RASGEF1C: variants seen among roughly 807,000 people sequenced by gnomAD.
RASGEF1C encodes the protein ras-GEF domain-containing family member 1C.
RASGEF1C carries 27 observed loss-of-function variants against 58.1 expected under a neutral mutation model. The ratio of observed to expected loss-of-function variants is 0.46; its 90% CI spans 0.34 to 0.64. The LOEUF is 0.64. RASGEF1C is among the 30% of genes least tolerant of loss of function. RASGEF1C has a pLI of 0.01. For missense variants in RASGEF1C, 502 were observed against 605.1 expected, an observed-to-expected ratio of 0.83 and a Z score of 1.79; for synonymous variants, 243 against 246.3, an observed-to-expected ratio of 0.99 and a Z score of 0.13.
chr5:180,103,026 C>T (rs944592926), intron 12 of RASGEF1C, among the ~76,000 whole-genome samples: 6 of 152,184 alleles, frequency 3.9e-5, no homozygotes, highest in African/African-American at 7.2e-5. Context: ...TCTTTGCGTT[C>T]GAGAACATCC....
Position 180,136,432 on chromosome 5 carries a change from C to T in RASGEF1C, c.384G>A (p.Glu128=). The change falls in exon 4 of 14, where the codon GAG becomes GAA. Residue 128 remains glutamate (E), a synonymous_variant. Transcript: ENST00000361132. ...TETFPRDFQE[E]STIGHLKDVV... ...CGTCCTTAAGGTGCCCGATAGTCGACTCTTCCTGGAAGTCCCTTGGGAAGG... is the reference window on the plus strand; with the variant it reads ...CGTCCTTAAGGTGCCCGATAGTCGATTCTTCCTGGAAGTCCCTTGGGAAGG... 1 of 1,562,022 alleles carries T rather than the reference C, an allele frequency of 6.4e-7. No individual in the cohort carries two copies. The highest frequency in any genetic ancestry group is 8.7e-7 in the Non-Finnish European group (1 of 1,152,984).
chr5:180,105,013 A>G (rs1046158879), intron 12 of RASGEF1C, among the ~76,000 whole-genome samples: 1 of 152,202 alleles, frequency 6.6e-6, no homozygotes, highest in Non-Finnish European at 1.5e-5. Flanking sequence ...ATAGTACGGA[A>G]TCCTGTATAT....
intron 4 of RASGEF1C, 21 bp from the exon 5 acceptor site, chr5:180,128,631 C>T (rs371588039): frequency 5.3e-5 from 86 of 1,608,862 alleles, no homozygotes; most frequent in Admixed American, 1.3e-4. Flanking sequence ...GAAAGAAGGG[C>T]GCTCAGGACT....
chr5:180,133,633 T>A (rs1582273326), intron 4 of RASGEF1C, among the ~76,000 whole-genome samples: 1 of 150,512 alleles, frequency 6.6e-6, no homozygotes, highest in East Asian at 1.9e-4. Context: ...GCCGAAATAT[T>A]TTGGAAGCAA....
intron 1 of RASGEF1C, among the ~76,000 whole-genome samples, chr5:180,151,035 A>G (rs1188725837): frequency 6.6e-6 from 1 of 151,726 alleles, no homozygotes; most frequent in East Asian, 1.9e-4. Context: ...CTTCAAGGAG[A>G]ACTACAAACC....
rs999011345 is a variant in RASGEF1C at position 180,197,199 on chromosome 5, C to T, written c.-7+11829G>A. Among the ~76,000 whole-genome samples the T allele has an allele frequency of 6.6e-6, 1 of 152,238 alleles. No individual in the cohort carries two copies. Among genetic ancestry groups the T allele is most frequent in the Non-Finnish European group, 1.5e-5 (1 of 68,044 alleles). On this transcript the variant is annotated intron_variant, in intron 1 of 13. Coordinates refer to ENST00000361132, the MANE Select transcript of RASGEF1C (RefSeq NM_175062.4). The surrounding 1 kb of genome is among the most constrained non-coding windows in gnomAD (Gnocchi z 4.7). ...TTGGCGTCAGGAAGCAGGGGTGCAT[C>T]AGGCACACGGGAGCTCTCTGCCTTG...
chr5:180,133,943 G>A (rs1766422147), intron 4 of RASGEF1C, among the ~76,000 whole-genome samples: 1 of 152,220 alleles, frequency 6.6e-6, no homozygotes, highest in South Asian at 2.1e-4. Context: ...GCAAAGCTGT[G>A]TGGTGGGGAC....
chr5:180,193,664 A>T (rs376530577), intron 1 of RASGEF1C, among the ~76,000 whole-genome samples: 53 of 152,388 alleles, frequency 3.5e-4, no homozygotes, highest in African/African-American at 1.2e-3. Context: ...GACTTAAGAG[A>T]TACAAAAATC....
rs1419038825 is a variant in RASGEF1C, at chr5:180,177,851, T to G, written c.-7+31177A>C. Among the ~76,000 whole-genome samples, 1 of 152,210 alleles carries G rather than the reference T, an allele frequency of 6.6e-6. No individual in the cohort carries two copies. Among genetic ancestry groups the G allele is most frequent in the East Asian group, 1.9e-4 (1 of 5,174 alleles). ...GCAAGGTAAGGACAGGAAGTAAGTA[T>G]GGAGCTGGTGGGGGCTTTCTTGTGA... On this transcript the variant is annotated intron_variant, in intron 1 of 13. Coordinates refer to ENST00000361132, the MANE Select transcript of RASGEF1C (RefSeq NM_175062.4). This position sits in a 1 kb window ranked among gnomAD's most constrained non-coding sequence, Gnocchi z 5.0.
chr5:180,135,593 G>A (rs1346254789), intron 4 of RASGEF1C, among the ~76,000 whole-genome samples: 2 of 152,204 alleles, frequency 1.3e-5, no homozygotes. Context: ...CCATAATCCT[G>A]GGAGGTGAAG....
At chr5:180,139,389 C>T (rs1220250508) in intron 1 of RASGEF1C, among the ~76,000 whole-genome samples, 1 of 152,204 alleles carries the variant, frequency 6.6e-6, no homozygotes, top group African/African-American at 2.4e-5. Context: ...TGACCCTGGC[C>T]TATTTCTCCT....
At chr5:180,161,070 A>T (rs571234797) in intron 1 of RASGEF1C, among the ~76,000 whole-genome samples, 1 of 152,346 alleles carries the variant, frequency 6.6e-6, no homozygotes, top group Non-Finnish European at 1.5e-5. Context: ...CCCCATTCAC[A>T]CAGGCCAGCC....
chr5:180,173,821 G>A (rs956800268), intron 1 of RASGEF1C, among the ~76,000 whole-genome samples: 2 of 151,674 alleles, frequency 1.3e-5, no homozygotes, highest in Admixed American at 1.3e-4. Flanking sequence ...GCTGAGGCAG[G>A]AGAATCGCTT....
chr5:180,192,500 T>C (rs914489780), intron 1 of RASGEF1C, among the ~76,000 whole-genome samples: 1 of 152,194 alleles, frequency 6.6e-6, no homozygotes, highest in African/African-American at 2.4e-5. Context: ...GATACAGTTA[T>C]TGGAAAACAT....
In RASGEF1C at chr5:180,137,931, G is replaced by T; in HGVS notation, c.122C>A (p.Ala41Asp). 1 of 1,613,306 alleles carries T rather than the reference G, an allele frequency of 6.2e-7. No individual in the cohort carries two copies. The part of the protein sequence containing the change: ...QPLLDGAPSS[A>D]SLETLIQHLV... ...GTGCTGGATCAGTGTTTCCAGGGAG[G>T]CTGAGGATGGCGCTCCATCCAGGAG... Residue 41 changes from alanine to aspartate, a missense_variant, in exon 2 of 14, where the codon GCC becomes GAC. Transcript: ENST00000361132. The surrounding 1 kb of genome is among the most constrained non-coding windows in gnomAD (Gnocchi z 4.1).
chr5:180,180,226 C>T (rs1270612354), intron 1 of RASGEF1C, among the ~76,000 whole-genome samples: 1 of 152,226 alleles, frequency 6.6e-6, no homozygotes, highest in Non-Finnish European at 1.5e-5. Flanking sequence ...GCATTTAGGG[C>T]ATGCTTGAGT....
At chr5:180,142,591 T>C (rs374141457) in intron 1 of RASGEF1C, among the ~76,000 whole-genome samples, 7 of 151,798 alleles carry the variant, frequency 4.6e-5, no homozygotes, top group African/African-American at 1.5e-4. Context: ...GACGGGGAGG[T>C]GCACAGACGC....
In RASGEF1C at chr5:180,158,299, G is replaced by T. The variant is rs1268891298; in HGVS notation, c.-6-20241C>A. ...CCAAGAGATTCCTTCTCCTTTATGT[G>T]TTGGGCTCCCGTCTCCTGTATTTAA... On this transcript the variant is annotated intron_variant, in intron 1 of 13. Coordinates refer to ENST00000361132, the MANE Select transcript of RASGEF1C (RefSeq NM_175062.4). The surrounding 1 kb of genome is among the most constrained non-coding windows in gnomAD (Gnocchi z 4.0). 1.3e-5 allele frequency among the ~76,000 whole-genome samples: 2 copies of T among 152,114 alleles called. No individual in the cohort carries two copies. Among genetic ancestry groups the T allele is most frequent in the African/African-American group, 4.8e-5 (2 of 41,394 alleles).
intron 1 of RASGEF1C, among the ~76,000 whole-genome samples, chr5:180,181,607 T>C (rs965876264): frequency 6.6e-6 from 1 of 152,114 alleles, no homozygotes; most frequent in Admixed American, 6.5e-5. Context: ...AGCCAAGGAA[T>C]GCAGAAGATT....
Sources: gnomAD v4.1 joint callset for allele counts (sites outside exome capture counted in the v4.1 genomes callset) on GRCh38, gnomAD v4.1.1 for gene constraint, Gnocchi (gnomAD v3.1) non-coding constraint, MANE v1.5 for transcripts, NCBI Gene and HGNC (gene_info 2026-07-23, HGNC 2026-07-21) for gene names.